Variants in RAPGEF1 observed in about 807,000 individuals in gnomAD.
The protein encoded by RAPGEF1 is Rap guanine nucleotide exchange factor 1, also known as CRK SH3-binding GNRP.
Under a neutral mutation model 143.3 loss-of-function variants are expected in RAPGEF1, and 33 were observed. That is an observed-to-expected ratio of 0.23 (90% CI 0.17 to 0.31). RAPGEF1 has a LOEUF of 0.31. RAPGEF1 is among the 10% of genes least tolerant of loss of function. The probability of loss-of-function intolerance (pLI) is 1.00; values close to 1 mark genes in which losing one functional copy is unlikely to be tolerated. For missense variants in RAPGEF1, 1,199 were observed against 1,645.4 expected (o/e 0.73, Z 4.69); for synonymous variants, 629 against 676.5 (o/e 0.93, Z 1.09).
At chr9:131,685,827 G>A (rs1254222497) in intron 1 of RAPGEF1, among the ~76,000 whole-genome samples, 1 of 152,176 alleles carries the variant, frequency 6.6e-6, no homozygotes, top group Non-Finnish European at 1.5e-5. Flanking sequence ...GCATATAGTG[G>A]AGTATGGAGA....
At chr9:131,603,686 G>A (rs1956639111) in intron 14 of RAPGEF1, among the ~76,000 whole-genome samples, 1 of 152,108 alleles carries the variant, frequency 6.6e-6, no homozygotes, top group Admixed American at 6.5e-5. Context: ...CCCGTGCCAC[G>A]CTGGTCCCAG....
Position 131,628,484 on chromosome 9 carries a change from A to G in RAPGEF1, c.1017+65T>C. Reference sequence around the variant, plus strand: ...ACCATGGGTTTCTTTCAGCTTCAGGAGCCACATCCCTGAGCCCCCCACCCC... The same window carrying G: ...ACCATGGGTTTCTTTCAGCTTCAGGGGCCACATCCCTGAGCCCCCCACCCC... On this transcript the variant is annotated intron_variant, in intron 8 of 26. Coordinates refer to ENST00000683357, the MANE Select transcript of RAPGEF1 (RefSeq NM_001377935.1). This position sits in a 1 kb window ranked among gnomAD's most constrained non-coding sequence, Gnocchi z 5.7. 5 of 1,580,764 alleles carry G rather than the reference A, an allele frequency of 3.2e-6. No individual in the cohort carries two copies. The highest frequency in any genetic ancestry group is 4.3e-6 in the Non-Finnish European group (5 of 1,159,436).
At chr9:131,699,526 G>C (rs1348363893) in intron 1 of RAPGEF1, among the ~76,000 whole-genome samples, 1 of 152,170 alleles carries the variant, frequency 6.6e-6, no homozygotes, top group Non-Finnish European at 1.5e-5. Context: ...TTACAGGCAT[G>C]AGGCACTGCG....
chr9:131,732,130 C>G (rs1438166826), intron 1 of RAPGEF1, among the ~76,000 whole-genome samples: 4 of 152,076 alleles, frequency 2.6e-5, no homozygotes, highest in Non-Finnish European at 4.4e-5. Flanking sequence ...GTGCCAGAGG[C>G]ACACCAACAG....
chr9:131,710,518 G>T (rs1835431712), intron 1 of RAPGEF1, among the ~76,000 whole-genome samples: 1 of 152,166 alleles, frequency 6.6e-6, no homozygotes, highest in South Asian at 2.1e-4. Flanking sequence ...TGGATGAAAA[G>T]ATTTCATTTA....
Position 131,642,915 on chromosome 9 carries a change from C to T in RAPGEF1, c.494+324G>A, listed in dbSNP as rs117375941. 7.1e-3 allele frequency among the ~76,000 whole-genome samples: 1,087 copies of T among 152,248 alleles called. 4 individuals carry two copies. The highest frequency in any genetic ancestry group is 0.013 in the Non-Finnish European group (873 of 68,006). ...AAAGTTTCATTCAAAACAGGCTCCT[C>T]CCACCCGCAGTGAATCCAGGCTCCA... On this transcript the variant is annotated intron_variant, in intron 4 of 26. Coordinates refer to ENST00000683357, the MANE Select transcript of RAPGEF1 (RefSeq NM_001377935.1).
At chr9:131,659,548 C>T (rs61343339) in intron 1 of RAPGEF1, among the ~76,000 whole-genome samples, 5,429 of 152,144 alleles carry the variant, frequency 0.036, 210 homozygotes, top group East Asian at 0.09. Context: ...TTCAGCTCGG[C>T]CACTAACCTG....
intron 1 of RAPGEF1, among the ~76,000 whole-genome samples, chr9:131,651,726 T>C (rs1297987511): frequency 6.6e-6 from 1 of 152,164 alleles, no homozygotes; most frequent in East Asian, 1.9e-4. Flanking sequence ...ACCCACAGGA[T>C]GAAAGAAAAT....
At chr9:131,651,077 A>G in intron 1 of RAPGEF1, 128 bp from the exon 2 acceptor site, 1 of 1,176,172 alleles carries the variant, frequency 8.5e-7, no homozygotes, top group Non-Finnish European at 1.2e-6. Flanking sequence ...TTTCAAGGGA[A>G]AGGACGTATG....
intron 1 of RAPGEF1, among the ~76,000 whole-genome samples, chr9:131,694,116 C>T (rs1833968895): frequency 6.6e-6 from 1 of 152,130 alleles, no homozygotes; most frequent in Non-Finnish European, 1.5e-5. Flanking sequence ...GTATCCTCTC[C>T]CTCCCCAAGG....
intron 6 of RAPGEF1, among the ~76,000 whole-genome samples, chr9:131,629,466 T>C (rs1475769522): frequency 6.6e-6 from 1 of 152,118 alleles, no homozygotes; most frequent in Non-Finnish European, 1.5e-5. Flanking sequence ...GCACCTCAAT[T>C]TCCTCATCTG....
chr9:131,659,238 T>C (rs1342406019), intron 1 of RAPGEF1, among the ~76,000 whole-genome samples: 1 of 152,228 alleles, frequency 6.6e-6, no homozygotes, highest in African/African-American at 2.4e-5. Flanking sequence ...TTAAAAGTCT[T>C]TTCACTTGTC....
chr9:131,730,612 T>C lies in RAPGEF1; in HGVS notation c.61+9158A>G, dbSNP rs926620577. Among the ~76,000 whole-genome samples the C allele has an allele frequency of 5.9e-4, 84 of 141,320 alleles. 1 individual carries two copies. The highest frequency in any genetic ancestry group is 1.8e-3 in the African/African-American group (68 of 38,748). The allele number at this position is 141,320 out of a possible 152,430, so 92.7% of individuals were successfully genotyped here. On this transcript the variant is annotated intron_variant, in intron 1 of 26. Coordinates refer to ENST00000683357, the MANE Select transcript of RAPGEF1 (RefSeq NM_001377935.1). ...TGGGAGGCTGAGGCAGAAGAATTGC[T>C]TGAACCTGGGAGGGGGAGGTTGCAG... is the stretch of plus-strand genomic sequence containing the variant.
chr9:131,673,163 G>A lies in RAPGEF1; in HGVS notation c.62-22214C>T, dbSNP rs574295056. ...GTGGGGTGGGTCAGAATGACCTGGC[G>A]TCTGGTCTGAAAAAGTGCACCCAAA... On this transcript the variant is annotated intron_variant, in intron 1 of 26. Coordinates refer to ENST00000683357, the MANE Select transcript of RAPGEF1 (RefSeq NM_001377935.1). Among the ~76,000 whole-genome samples, 307 of 152,288 alleles carry A rather than the reference G, an allele frequency of 2.0e-3. 1 individual carries two copies. Among genetic ancestry groups the A allele is most frequent in the African/African-American group, 6.8e-3 (282 of 41,548 alleles).
intron 1 of RAPGEF1, among the ~76,000 whole-genome samples, chr9:131,678,320 T>C (rs908390876): frequency 1.3e-5 from 2 of 152,228 alleles, no homozygotes; most frequent in African/African-American, 4.8e-5. Flanking sequence ...AGAGGGACTT[T>C]TCCTAGCACA....
rs1243378649 is a variant in RAPGEF1 at position 131,709,825 on chromosome 9, G to A, written c.61+29945C>T. ...GGCAGAACCCAGGCAGCCTCACAAG[G>A]GAAGCCTGAGGAATCTCATTCTCAA... On this transcript the variant is annotated intron_variant, in intron 1 of 26. Transcript: ENST00000683357. 6.9e-6 allele frequency: 10 copies of A among 1,445,628 alleles called. No individual in the cohort carries two copies. In the East Asian group the frequency reaches 2.2e-4, roughly 32 times the overall value. 89.6% of individuals were successfully genotyped at this position (1,445,628 alleles called of 1,614,324 possible).
intron 1 of RAPGEF1, among the ~76,000 whole-genome samples, chr9:131,706,503 C>CA (rs61344408): frequency 0.025 from 3,732 of 152,252 alleles, 160 homozygotes; most frequent in African/African-American, 0.084. Context: ...CTCCTGAACT[C>CA]AAGTGATCCG....
intron 1 of RAPGEF1, among the ~76,000 whole-genome samples, chr9:131,671,279 C>A (rs1358226339): frequency 6.6e-6 from 1 of 152,246 alleles, no homozygotes; most frequent in African/African-American, 2.4e-5. Context: ...AGGAGGCAGC[C>A]TCCTGCCGTC....
chr9:131,598,209 A>G lies in RAPGEF1; in HGVS notation c.2603T>C (p.Leu868Pro), dbSNP rs1955627782. ...CCGGGAAGTTCTCACCTCCTGCTTGAGCGTCAGCCTGGACATAATTTCGTT... is the reference window on the plus strand; with the variant it reads ...CCGGGAAGTTCTCACCTCCTGCTTGGGCGTCAGCCTGGACATAATTTCGTT... ...DHNEIMSRLT[L>P]KQEGDDGPDV... Residue 868 changes from leucine to proline, a missense_variant, in exon 16 of 27, where the codon CTC (leucine) becomes CCC (proline). Leu to Pro is a moderately conservative substitution (Grantham distance 98). Around this residue, in one of 6 missense-constraint regions of RAPGEF1, gnomAD observed 209 missense variants for 403.0 expected, o/e 0.52. Coordinates refer to ENST00000683357, the MANE Select transcript of RAPGEF1 (RefSeq NM_001377935.1). 6.2e-7 allele frequency: 1 copy of G among 1,613,908 alleles called. No homozygotes were observed. Among genetic ancestry groups the G allele is most frequent in the Non-Finnish European group, 8.5e-7 (1 of 1,179,848 alleles).
Sources: gnomAD v4.1 joint callset for allele counts (sites outside exome capture counted in the v4.1 genomes callset) on GRCh38, gnomAD v4.1.1 for gene constraint, gnomAD v4.1.1 regional missense constraint, Gnocchi (gnomAD v3.1) non-coding constraint, MANE v1.5 for transcripts, NCBI Gene and HGNC (gene_info 2026-07-23, HGNC 2026-07-21) for gene names.